The following ACCSL variants were observed in gnomAD, a reference collection of about 807,000 sequenced individuals.
The protein encoded by ACCSL is 1-aminocyclopropane-1-carboxylate synthase homolog (inactive) like, also known as probable inactive 1-aminocyclopropane-1-carboxylate synthase-like protein 2.
In ACCSL, 55 loss-of-function variants were observed where a neutral mutation model predicts 61.7. The ratio of observed to expected loss-of-function variants is 0.89; its 90% CI spans 0.72 to 1.12. The LOEUF (loss-of-function observed/expected upper bound fraction) is 1.12, where lower values mean the gene tolerates loss of function less well. Ranked by LOEUF, ACCSL falls within the 50% of genes most tolerant of loss-of-function variation. The probability of loss-of-function intolerance (pLI) is 0.00; values close to 1 mark genes in which losing one functional copy is unlikely to be tolerated. For missense variants in ACCSL, 632 were observed against 698.0 expected (o/e 0.91, Z 1.07); for synonymous variants, 258 against 264.3 (o/e 0.98, Z 0.23).
the ACCSL span, among the ~76,000 whole-genome samples, chr11:44,012,532 C>T: frequency 6.6e-6 from 1 of 152,122 alleles, no homozygotes; most frequent in Non-Finnish European, 1.5e-5. Context: ...GGTGATCCAC[C>T]TGCCTCTGCC....
At chr11:43,973,778 ACTC>A in the ACCSL span, 1 of 151,858 alleles carries the variant, frequency 6.6e-6, no homozygotes, top group Non-Finnish European at 1.5e-5. Context: ...AGGATAATTC[ACTC>A]CTCATGTTTA....
chr11:44,040,840 G>C, the ACCSL span, among the ~76,000 whole-genome samples: 1 of 152,272 alleles, frequency 6.6e-6, no homozygotes, highest in South Asian at 2.1e-4. Flanking sequence ...GCCAAGCTTT[G>C]AGAGTATGTG....
chr11:44,037,580 A>C, the ACCSL span, among the ~76,000 whole-genome samples: 1 of 152,226 alleles, frequency 6.6e-6, no homozygotes, highest in African/African-American at 2.4e-5. Context: ...TCCGTGTTAC[A>C]GCTGCTGTAG....
chr11:44,046,720 C>T (rs1952600012), upstream of ACCSL, among the ~76,000 whole-genome samples: 1 of 151,894 alleles, frequency 6.6e-6, no homozygotes, highest in Non-Finnish European at 1.5e-5. Context: ...GGAATTGTAG[C>T]ATTTGGTGGA....
In ACCSL at chr11:44,052,891, G is replaced by A. The variant is rs540216481; in HGVS notation, c.871-100G>A. 86 of 1,451,712 alleles carry A rather than the reference G, an allele frequency of 5.9e-5. No homozygotes were observed. The African/African-American group carries it at 1.1e-3, about 19-fold the overall frequency. The allele number at this position is 1,451,712 out of a possible 1,614,324, so 89.9% of individuals were successfully genotyped here. ...TAGGGGTGGAGAAGGCATGTGGACT[G>A]GCACTCTGGTATGAAGGCAAAGGAT... On this transcript the variant is annotated intron_variant, in intron 6 of 13. Transcript: ENST00000378832.
At chr11:44,051,935 T>G (rs191835761) in intron 5 of ACCSL, among the ~76,000 whole-genome samples, 5 of 152,346 alleles carry the variant, frequency 3.3e-5, no homozygotes, top group Admixed American at 1.3e-4. Flanking sequence ...ATGGTGGACC[T>G]CAAGGAGGTA....
the ACCSL span, among the ~76,000 whole-genome samples, chr11:43,987,316 CT>C: frequency 2.6e-5 from 4 of 152,224 alleles, no homozygotes; most frequent in Non-Finnish European, 5.9e-5. Flanking sequence ...CTGCCTCCTT[CT>C]GGGCCTCCGT....
chr11:44,000,725 A>AAAAGAAAGAAAG, the ACCSL span, among the ~76,000 whole-genome samples: 32,252 of 146,548 alleles, frequency 0.22, 4,063 homozygotes, highest in Admixed American at 0.3. Flanking sequence ...TCTGCCTCAA[A>AAAAGAAAGAAAG]AAAGAAAGAA....
chr11:44,032,727 G>C, the ACCSL span, among the ~76,000 whole-genome samples: 71 of 152,348 alleles, frequency 4.7e-4, 1 homozygote, highest in East Asian at 0.013. Flanking sequence ...CAGCTCTGCA[G>C]GTCCAGGTTT....
chr11:43,935,338 G>A, the ACCSL span, among the ~76,000 whole-genome samples: 1 of 151,030 alleles, frequency 6.6e-6, no homozygotes, highest in Non-Finnish European at 1.5e-5. Context: ...CTGCAACCAG[G>A]CTTCTGGATT....
the ACCSL span, among the ~76,000 whole-genome samples, chr11:43,983,175 T>C: frequency 1.3e-5 from 2 of 152,096 alleles, no homozygotes; most frequent in African/African-American, 4.8e-5. Flanking sequence ...GGTGATTGTG[T>C]CTCTCCAGCA....
chr11:43,974,874 G>A, the ACCSL span, among the ~76,000 whole-genome samples: 1 of 152,202 alleles, frequency 6.6e-6, no homozygotes, highest in Non-Finnish European at 1.5e-5. Flanking sequence ...TTGAGACTCT[G>A]AGCCAGAATT....
At chr11:43,943,592 C>T in the ACCSL span, 4 of 1,309,936 alleles carry the variant, frequency 3.1e-6, no homozygotes, top group Non-Finnish European at 2.0e-6. This position sits in a 1 kb window ranked among gnomAD's most constrained non-coding sequence, Gnocchi z 4.8. Context: ...CGGGTAGCCA[C>T]TCCATGCCCT....
the ACCSL span, chr11:43,947,272 A>T: frequency 6.6e-6 from 1 of 152,246 alleles, no homozygotes; most frequent in Admixed American, 6.5e-5. Context: ...TTCATGACGG[A>T]TCCACCCTTA....
the ACCSL span, among the ~76,000 whole-genome samples, chr11:44,024,941 C>G: frequency 0.55 from 82,972 of 151,928 alleles, 22,968 homozygotes; most frequent in Admixed American, 0.6. Flanking sequence ...AAATGCCCTT[C>G]TTTGTTTCCA....
chr11:43,994,991 A>T, the ACCSL span: 3 of 152,212 alleles, frequency 2.0e-5, no homozygotes, highest in Non-Finnish European at 2.9e-5. Context: ...CCACTGATTT[A>T]GGCCAACCTT....
chr11:43,959,689 G>T, the ACCSL span, among the ~76,000 whole-genome samples: 1 of 152,136 alleles, frequency 6.6e-6, no homozygotes, highest in Non-Finnish European at 1.5e-5. Flanking sequence ...GGCCCTCCCA[G>T]CTTTAAGTCC....
At chr11:43,935,766 T>G in the ACCSL span, among the ~76,000 whole-genome samples, 2 of 152,222 alleles carry the variant, frequency 1.3e-5, no homozygotes, top group African/African-American at 4.8e-5. Flanking sequence ...TAACTGGGAC[T>G]GCAGACATGC....
the ACCSL span, among the ~76,000 whole-genome samples, chr11:44,019,935 A>G: frequency 1.3e-5 from 2 of 152,224 alleles, no homozygotes; most frequent in Non-Finnish European, 2.9e-5. Context: ...CACATGGTAT[A>G]AGGTAGGGGT....
Sources: allele counts gnomAD v4.1 joint callset (sites outside exome capture counted in the v4.1 genomes callset), GRCh38; gene constraint gnomAD v4.1.1; non-coding constraint Gnocchi (gnomAD v3.1); transcripts MANE v1.5; gene names NCBI Gene and HGNC (gene_info 2026-07-23, HGNC 2026-07-21).